Variants in ZNF782 observed in about 807,000 individuals in gnomAD.
ZNF782 encodes zinc finger protein 782.
A neutral mutation model predicts 13.0 loss-of-function variants in ZNF782; 12 were observed. That is an observed-to-expected ratio of 0.92 (90% CI 0.59 to 1.50). The LOEUF (loss-of-function observed/expected upper bound fraction) is 1.50, where lower values mean the gene tolerates loss of function less well. ZNF782 is among the 40% of genes most tolerant of loss of function. ZNF782 has a pLI of 0.00. For synonymous variants in ZNF782, 284 were observed against 283.0 expected, an observed-to-expected ratio of 1.00 and a Z score of -0.04; for missense variants, 770 against 822.9, an observed-to-expected ratio of 0.94 and a Z score of 0.79.
chr9:96,827,055 C>T (rs768282279), intron 5 of ZNF782, 25 bp downstream of exon 5: 3 of 1,524,946 alleles, frequency 2.0e-6, no homozygotes, highest in East Asian at 4.5e-5. Flanking sequence ...AGAGAACCTT[C>T]TTCTTGTTGA....
chr9:96,862,945 G>A (rs563471338), intron 1 of ZNF782, among the ~76,000 whole-genome samples: 22 of 152,320 alleles, frequency 1.4e-4, no homozygotes, highest in African/African-American at 5.3e-4. Context: ...ACAGGGAAAT[G>A]TGCAGGTTTC....
chr9:96,872,420 A>C lies in ZNF782; in HGVS notation c.-457+3048T>G, dbSNP rs573848852. ...GTGGCACACACCTGTAATCCCAGCT[A>C]CTTTGGAGGCTGAGGCAGGAGAATT... On this transcript the variant is annotated intron_variant, in intron 1 of 5. Coordinates refer to the ZNF782 transcript ENST00000498811. Among the ~76,000 whole-genome samples, 91 of 152,092 alleles carry C rather than the reference A, an allele frequency of 6.0e-4. No homozygotes were observed. In the South Asian group the frequency reaches 8.5e-3, roughly 14 times the overall value.
At chr9:96,855,091 A>AG (rs1360218155), upstream of ZNF782, among the ~76,000 whole-genome samples, 1 of 152,206 alleles carries the variant, frequency 6.6e-6, no homozygotes, top group East Asian at 1.9e-4. Context: ...GAGGGTTCTA[A>AG]GGCGGGTCGA....
At chr9:96,903,564 T>TG in the ZNF782 span, among the ~76,000 whole-genome samples, 1 of 113,932 alleles carries the variant, frequency 8.8e-6, no homozygotes, top group Admixed American at 8.6e-5. Flanking sequence ...TGGTTTTTTT[T>TG]TTTTTTTTTT....
At chr9:96,826,275 C>G (rs1246377370) in intron 5 of ZNF782, among the ~76,000 whole-genome samples, 1 of 151,958 alleles carries the variant, frequency 6.6e-6, no homozygotes, top group Non-Finnish European at 1.5e-5. Context: ...TGGAAATCAT[C>G]ATTCTCAGTA....
At chr9:96,823,286 G>A (rs970886670) in intron 5 of ZNF782, among the ~76,000 whole-genome samples, 2 of 152,180 alleles carry the variant, frequency 1.3e-5, no homozygotes, top group African/African-American at 4.8e-5. Flanking sequence ...CTCATTTGCT[G>A]AGCACTAGTC....
chr9:96,896,547 C>G, the ZNF782 span, among the ~76,000 whole-genome samples: 1 of 152,144 alleles, frequency 6.6e-6, no homozygotes, highest in Non-Finnish European at 1.5e-5. Context: ...GATATCCCTT[C>G]TAAAGTGAAG....
chr9:96,895,329 T>G, the ZNF782 span: 1 of 152,170 alleles, frequency 6.6e-6, no homozygotes, highest in Non-Finnish European at 1.5e-5. Flanking sequence ...ATAGTATCCA[T>G]AGAAATAAAA....
intron 5 of ZNF782, among the ~76,000 whole-genome samples, chr9:96,826,677 A>C (rs894456398): frequency 6.6e-6 from 1 of 152,194 alleles, no homozygotes; most frequent in Non-Finnish European, 1.5e-5. Flanking sequence ...CAAGATTCTC[A>C]TAACTGCCGA....
the ZNF782 span, among the ~76,000 whole-genome samples, chr9:96,886,208 GA>G: frequency 0.042 from 3,738 of 88,376 alleles, 57 homozygotes; most frequent in Non-Finnish European, 0.058. Context: ...TTTAAGTACA[GA>G]AAAAAAAAAA....
the ZNF782 span, among the ~76,000 whole-genome samples, chr9:96,917,887 C>CGCGTGTGTGTGTGTGT: frequency 8.2e-6 from 1 of 121,682 alleles, no homozygotes; most frequent in African/African-American, 3.6e-5. Flanking sequence ...CCACCCTTGG[C>CGCGTGTGTGTGTGTGT]GTGTGTGTGT....
At chr9:96,885,767 C>G in the ZNF782 span, among the ~76,000 whole-genome samples, 21 of 152,240 alleles carry the variant, frequency 1.4e-4, 1 homozygote, top group East Asian at 1.7e-3. Context: ...ACATTACTTG[C>G]AGAGCCTCAA....
chr9:96,896,754 C>A, the ZNF782 span, among the ~76,000 whole-genome samples: 1 of 152,344 alleles, frequency 6.6e-6, no homozygotes, highest in African/African-American at 2.4e-5. Flanking sequence ...GGCTGCTGTG[C>A]AAGCTGCTCT....
upstream of ZNF782, among the ~76,000 whole-genome samples, chr9:96,856,851 G>GT (rs1851648937): frequency 1.3e-5 from 2 of 152,180 alleles, no homozygotes; most frequent in African/African-American, 4.8e-5. Context: ...TTTTTATGAT[G>GT]TGATCATGAA....
upstream of ZNF782, among the ~76,000 whole-genome samples, chr9:96,877,618 C>G (rs928304369): frequency 6.6e-6 from 1 of 152,240 alleles, no homozygotes. Context: ...GATCTGGGGG[C>G]CCCGTGGGCT....
At chr9:96,872,255 G>A (rs1467097216) in intron 1 of ZNF782, among the ~76,000 whole-genome samples, 2 of 152,138 alleles carry the variant, frequency 1.3e-5, no homozygotes, top group Non-Finnish European at 2.9e-5. Flanking sequence ...CTAGTGGGCC[G>A]AGCACAGTGG....
At chr9:96,862,242 G>T (rs1275730775) in intron 1 of ZNF782, among the ~76,000 whole-genome samples, 1 of 152,160 alleles carries the variant, frequency 6.6e-6, no homozygotes, top group Non-Finnish European at 1.5e-5. Flanking sequence ...GGGATGGGGG[G>T]TAAAGAGTAA....
chr9:96,868,943 G>A (rs1352291304), intron 1 of ZNF782, among the ~76,000 whole-genome samples: 1 of 152,064 alleles, frequency 6.6e-6, no homozygotes, highest in Non-Finnish European at 1.5e-5. Flanking sequence ...TAATAATGAT[G>A]TCGATGTTCC....
chr9:96,840,003 A>C (rs535273697), intron 4 of ZNF782, among the ~76,000 whole-genome samples: 1 of 152,302 alleles, frequency 6.6e-6, no homozygotes, highest in African/African-American at 2.4e-5. Context: ...TTTTGTGTTT[A>C]TGCAGGTATT....
Sources: gnomAD v4.1 joint callset for allele counts (sites outside exome capture counted in the v4.1 genomes callset) on GRCh38, gnomAD v4.1.1 for gene constraint, MANE v1.5 for transcripts, NCBI Gene and HGNC (gene_info 2026-07-23, HGNC 2026-07-21) for gene names.